Variants in NAPA observed in about 807,000 individuals in gnomAD.
NAPA encodes NSF attachment protein alpha, also known as alpha-soluble NSF attachment protein.
NAPA carries 18 observed loss-of-function variants against 48.0 expected under a neutral mutation model. The ratio of observed to expected loss-of-function variants is 0.38; its 90% CI spans 0.26 to 0.56. The LOEUF is 0.56. NAPA is among the 20% of genes least tolerant of loss of function. NAPA has a pLI of 0.77. For synonymous variants in NAPA, 152 were observed against 149.9 expected (o/e 1.01, Z -0.10); for missense variants, 315 against 385.0 (o/e 0.82, Z 1.52).
intron 3 of NAPA, chr19:47,496,465 G>T (rs1177987511): frequency 6.5e-6 from 1 of 152,726 alleles, no homozygotes; most frequent in Non-Finnish European, 1.5e-5. Flanking sequence ...GCTCTCAGGG[G>T]GTATTTTTTA....
chr19:47,504,605 TTAAC>T (rs1968655354), intron 1 of NAPA, among the ~76,000 whole-genome samples: 1 of 151,848 alleles, frequency 6.6e-6, no homozygotes, highest in Non-Finnish European at 1.5e-5. Flanking sequence ...GAATTTTTTT[TTAAC>T]TGTTTGTACA....
rs893080790 is a variant in NAPA, at chr19:47,492,086, TGAG to T, written c.592_594del (p.Leu198del). On this transcript the variant is annotated inframe_deletion, in exon 8 of 11. Transcript: ENST00000263354. ...AAGAAGTAGTCTTTGGCGCTGTACT[TGAG>T]GAGGGGGCTGTCCATGGCATTGGTC... 6.8e-6 allele frequency: 11 copies of T among 1,614,002 alleles called. No homozygotes were observed. The Middle Eastern group carries it at 5.0e-4, about 73-fold the overall frequency.
chr19:47,493,252 C>G lies in NAPA; in HGVS notation c.421-78G>C. ...GCCTCCGTGAAGCTTCCACACCCTC[C>G]GCCCTGCCTGCCTGGGACACAGCCA... On this transcript the variant is annotated intron_variant, in intron 5 of 10. Transcript: ENST00000263354. This position sits in a 1 kb window ranked among gnomAD's most constrained non-coding sequence, Gnocchi z 6.4. 1 of 1,508,804 alleles carries G rather than the reference C, an allele frequency of 6.6e-7. No individual in the cohort carries two copies. Among genetic ancestry groups the G allele is most frequent in the Non-Finnish European group, 9.0e-7 (1 of 1,105,350 alleles). 93.5% of individuals were successfully genotyped at this position (1,508,804 alleles called of 1,614,324 possible).
intron 1 of NAPA, among the ~76,000 whole-genome samples, chr19:47,507,545 G>A (rs1274247561): frequency 2.0e-5 from 3 of 152,124 alleles, no homozygotes; most frequent in Non-Finnish European, 4.4e-5. Flanking sequence ...TATCTCTCTT[G>A]CCTCTGTGGA....
chr19:47,495,486 G>T, intron 4 of NAPA, 64 bp downstream of exon 4: 1 of 1,521,630 alleles, frequency 6.6e-7, no homozygotes, highest in Non-Finnish European at 9.1e-7. Context: ...GCTGAAAGAG[G>T]GGACGCAAGG....
At position 47,500,643 on chromosome 19, in the gene NAPA, G is replaced by A. The variant is rs1433782263; in HGVS notation, c.285C>T (p.Ala95=). 12 of 1,608,502 alleles carry A rather than the reference G, an allele frequency of 7.5e-6. No individual in the cohort carries two copies. The highest frequency in any genetic ancestry group is 1.0e-5 in the Non-Finnish European group (12 of 1,177,400). ...FVDAGNAFKK[A]DPQEAINCLM... is the part of the protein sequence containing the mutation. ...CGCAGAGGCCCTCACCTTGGGGGTC[G>A]GCTTTCTTGAATGCGTTGCCAGCGT... The change falls in exon 3 of 11, where the codon GCC becomes GCT. Residue 95 remains alanine, a synonymous_variant. Transcript: ENST00000263354.
chr19:47,514,966 G>A lies in NAPA; in HGVS notation c.-26C>T. 2 of 1,609,956 alleles carry A rather than the reference G, an allele frequency of 1.2e-6. No homozygotes were observed. Among genetic ancestry groups the A allele is most frequent in the South Asian group, 1.1e-5 (1 of 90,862 alleles). ...GGCGGCCACAAAGGGACTCAGCAAA[G>A]CGCCTGACCCTGACCCTGGGAAGAC... On this transcript the variant is annotated 5_prime_UTR_variant, in exon 1 of 11. Coordinates refer to ENST00000263354, the MANE Select transcript of NAPA (RefSeq NM_003827.4).
In NAPA at chr19:47,493,737, C is replaced by G; in HGVS notation, c.343-244G>C. ...TGATGTTGGACAAGCCACTCCAGGG[C>G]CTTAGCCTAATTCCATCCCATCCAC... is the stretch of plus-strand genomic sequence containing the variant. On this transcript the variant is annotated intron_variant, in intron 4 of 10. Coordinates refer to ENST00000263354, the MANE Select transcript of NAPA (RefSeq NM_003827.4). The surrounding 1 kb of genome is among the most constrained non-coding windows in gnomAD (Gnocchi z 6.4). 1.9e-6 allele frequency: 1 copy of G among 539,540 alleles called. No individual in the cohort carries two copies. Among genetic ancestry groups the G allele is most frequent in the Non-Finnish European group, 3.4e-6 (1 of 297,610 alleles). 33.4% of individuals were successfully genotyped at this position (539,540 alleles called of 1,614,324 possible). A position where few individuals can be genotyped will look rare whatever the true frequency, so the allele number is the denominator to read the frequency against.
At chr19:47,498,289 G>A (rs930257960) in intron 3 of NAPA, among the ~76,000 whole-genome samples, 6 of 152,270 alleles carry the variant, frequency 3.9e-5, no homozygotes, top group Middle Eastern at 3.4e-3. Flanking sequence ...GTTCCAAATC[G>A]GGCCTCCAGC....
At chr19:47,500,889 C>A in intron 2 of NAPA, 140 bp from the exon 3 acceptor site, 1 of 578,100 alleles carries the variant, frequency 1.7e-6, no homozygotes, top group Non-Finnish European at 2.9e-6. Flanking sequence ...GTGACCTGAG[C>A]GAGCCCAGAC....
chr19:47,511,986 C>T (rs949889326), intron 1 of NAPA, among the ~76,000 whole-genome samples: 18 of 152,188 alleles, frequency 1.2e-4, no homozygotes, highest in African/African-American at 4.1e-4. Context: ...TCCTCCAGGC[C>T]CAGCCCTTGC....
Position 47,493,167 on chromosome 19 carries a change from G to A in NAPA, c.428C>T (p.Ala143Val), listed in dbSNP as rs1303504129. The change falls in exon 6 of 11, where the codon GCC (alanine) becomes GTC (valine). Residue 143 changes from alanine to valine, a missense_variant. Ala to Val is a moderately conservative substitution (Grantham distance 64). This residue lies in a region of NAPA where 173 missense variants were observed against 213.5 expected (regional missense o/e 0.81). Transcript: ENST00000263354. The surrounding 1 kb of genome is among the most constrained non-coding windows in gnomAD (Gnocchi z 6.4). The stretch of plus-strand genomic sequence containing the variant: ...GTAGTCTGCAGACTGCTCGTAGTGG[G>A]CAATGGCCTGGGGAGACACGGGGGA... ...TELVDIEKAI[A>V]HYEQSADYYK... 6.3e-7 allele frequency: 1 copy of A among 1,594,618 alleles called. No homozygotes were observed. The highest frequency in any genetic ancestry group is 1.1e-5 in the South Asian group (1 of 87,930).
At chr19:47,512,232 C>T (rs1000673580) in intron 1 of NAPA, among the ~76,000 whole-genome samples, 2 of 152,136 alleles carry the variant, frequency 1.3e-5, no homozygotes, top group Non-Finnish European at 2.9e-5. Flanking sequence ...CCAGGCAGAA[C>T]CTCCCGTCAC....
chr19:47,489,855 C>T, intron 9 of NAPA, 94 bp from the exon 10 acceptor site: 1 of 1,278,510 alleles, frequency 7.8e-7, no homozygotes, highest in Non-Finnish European at 1.1e-6. Flanking sequence ...TATGCCAGGC[C>T]TGGGGCTGGG....
At chr19:47,489,584 G>A (rs1270569836) in intron 10 of NAPA, 127 bp downstream of exon 10, 4 of 1,068,642 alleles carry the variant, frequency 3.7e-6, no homozygotes, top group Non-Finnish European at 5.6e-6. Context: ...ACTGGAGAAA[G>A]AACTTCACAG....
Position 47,493,197 on chromosome 19 carries a change from T to C in NAPA, c.421-23A>G. ...GGCCTGGGGAGACACGGGGGATGGG[T>C]TCCAGGGGAGGGCAGGGAAGGGAGA... On this transcript the variant is annotated intron_variant, in intron 5 of 10. Transcript: ENST00000263354. This position sits in a 1 kb window ranked among gnomAD's most constrained non-coding sequence, Gnocchi z 6.4. The C allele has an allele frequency of 6.4e-7, 1 of 1,572,794 alleles. No homozygotes were observed. Among genetic ancestry groups the C allele is most frequent in the Non-Finnish European group, 8.6e-7 (1 of 1,156,380 alleles).
chr19:47,494,106 G>A (rs1365417564), intron 4 of NAPA, among the ~76,000 whole-genome samples: 9 of 152,130 alleles, frequency 5.9e-5, no homozygotes, highest in East Asian at 1.9e-4. Flanking sequence ...CTGGTCCAAC[G>A]CCACCCCCTT....
At chr19:47,489,328 A>G in intron 10 of NAPA, 1 of 243,780 alleles carries the variant, frequency 4.1e-6, no homozygotes, top group Non-Finnish European at 8.1e-6. Flanking sequence ...TCTCCTTCTC[A>G]CCCCTTCCCT....
downstream of NAPA, among the ~76,000 whole-genome samples, chr19:47,486,343 A>G (rs1319948315): frequency 6.6e-6 from 1 of 152,010 alleles, no homozygotes; most frequent in African/African-American, 2.4e-5. Flanking sequence ...CGATAGAGCG[A>G]GACTCTGTCT....
Sources: allele counts gnomAD v4.1 joint callset (sites outside exome capture counted in the v4.1 genomes callset), GRCh38; gene constraint gnomAD v4.1.1; regional missense constraint gnomAD v4.1.1; non-coding constraint Gnocchi (gnomAD v3.1); transcripts MANE v1.5; gene names NCBI Gene and HGNC (gene_info 2026-07-23, HGNC 2026-07-21).